SLC38A8: variants seen among roughly 807,000 people sequenced by gnomAD.
The protein encoded by SLC38A8 is amino acid transporter SLC38A8.
In SLC38A8, 65 loss-of-function variants were observed where a neutral mutation model predicts 46.0. The observed-to-expected ratio is 1.41, with a 90% CI of 1.16 to 1.74. SLC38A8 has a LOEUF of 1.74. Among genes scored for constraint, SLC38A8 ranks in the 40% most tolerant of loss-of-function variants. SLC38A8 has a pLI of 0.00. For missense variants in SLC38A8, 998 were observed against 567.9 expected (o/e 1.76, Z -7.70); for synonymous variants, 447 against 243.7 (o/e 1.83, Z -7.77).
intron 6 of SLC38A8, among the ~76,000 whole-genome samples, chr16:84,026,575 A>G (rs765256842): frequency 3.3e-5 from 5 of 152,184 alleles, no homozygotes; most frequent in Non-Finnish European, 5.9e-5. Flanking sequence ...GAGGGCAGGC[A>G]GTACCCAGGA....
intron 6 of SLC38A8, among the ~76,000 whole-genome samples, chr16:84,024,112 C>T (rs924130549): frequency 1.3e-5 from 2 of 152,162 alleles, no homozygotes; most frequent in African/African-American, 4.8e-5. Flanking sequence ...CCCCCTCCCC[C>T]AAGTTGTGAC....
intron 9 of SLC38A8, among the ~76,000 whole-genome samples, chr16:84,014,973 C>G (rs1217694640): frequency 1.3e-5 from 2 of 152,164 alleles, no homozygotes; most frequent in African/African-American, 4.8e-5. Context: ...TTTGGAAGAC[C>G]TGTAAGAGCC....
intron 7 of SLC38A8, among the ~76,000 whole-genome samples, chr16:84,022,106 G>T (rs536595640): frequency 1.1e-4 from 17 of 152,308 alleles, no homozygotes; most frequent in African/African-American, 3.8e-4. Context: ...ATTTCAACCT[G>T]AGTTTTTAAG....
chr16:84,025,720 C>A (rs1160981716), intron 6 of SLC38A8, among the ~76,000 whole-genome samples: 1 of 152,208 alleles, frequency 6.6e-6, no homozygotes, highest in East Asian at 1.9e-4. Context: ...GGAAACAAGC[C>A]CAGCACAGCT....
intron 6 of SLC38A8, among the ~76,000 whole-genome samples, chr16:84,026,923 G>A (rs1026810528): frequency 6.6e-6 from 1 of 152,190 alleles, no homozygotes; most frequent in East Asian, 1.9e-4. Flanking sequence ...TCTTCGAGGG[G>A]CAACAGAAAG....
intron 6 of SLC38A8, among the ~76,000 whole-genome samples, chr16:84,026,225 C>A (rs527471435): frequency 4.5e-4 from 63 of 141,274 alleles, no homozygotes; most frequent in Middle Eastern, 3.4e-3. Context: ...TGGGTTTCTA[C>A]TGGTGTTTTG....
intron 2 of SLC38A8, among the ~76,000 whole-genome samples, chr16:84,040,466 A>T (rs7197494): frequency 0.26 from 38,883 of 152,132 alleles, 5,485 homozygotes; most frequent in African/African-American, 0.38. Flanking sequence ...CATTTCAGCA[A>T]GATCTGTGTG....
chr16:84,036,745 G>T lies in SLC38A8; in HGVS notation c.345C>A (p.Ile115=), dbSNP rs751016030. Residue 115 remains isoleucine, a synonymous_variant, in exon 3 of 11, where the codon ATC becomes ATA. Coordinates refer to ENST00000299709, the MANE Select transcript of SLC38A8 (RefSeq NM_001080442.3). The part of the protein sequence containing the change: ...EACFLLNLLM[I]SVAFLRVIGD... ...CGATCACCCTGAGGAAGGCCACGGA[G>T]ATCATGAGCAGGTTGAGGAGGAAGC... 1.3e-5 allele frequency: 21 copies of T among 1,614,120 alleles called. No homozygotes were observed. The highest frequency in any genetic ancestry group is 2.2e-5 in the East Asian group (1 of 44,894).
chr16:84,031,778 C>T (rs897190725), intron 5 of SLC38A8, 89 bp downstream of exon 5: 47 of 1,133,036 alleles, frequency 4.1e-5, no homozygotes, highest in Admixed American at 3.9e-4. Context: ...CAGTGAGCCA[C>T]GAGAGGCTCC....
At chr16:84,014,061 T>G (rs1305688548) in intron 9 of SLC38A8, among the ~76,000 whole-genome samples, 1 of 145,446 alleles carries the variant, frequency 6.9e-6, no homozygotes, top group African/African-American at 2.6e-5. Flanking sequence ...CACACTCTCA[T>G]CTCTGAAAGG....
chr16:84,029,257 G>T (rs1016661470), intron 6 of SLC38A8, among the ~76,000 whole-genome samples: 1 of 152,178 alleles, frequency 6.6e-6, no homozygotes, highest in Non-Finnish European at 1.5e-5. Flanking sequence ...GCCATCAGTG[G>T]GGGCTGGATT....
At chr16:84,016,129 C>CA (rs569058885) in intron 9 of SLC38A8, among the ~76,000 whole-genome samples, 1 of 48,942 alleles carries the variant, frequency 2.0e-5, no homozygotes, top group Non-Finnish European at 4.7e-5. Flanking sequence ...TGCTGGGGGG[C>CA]GGGGGGGGAC....
At chr16:84,037,959 C>A (rs960587459) in intron 2 of SLC38A8, among the ~76,000 whole-genome samples, 1 of 152,096 alleles carries the variant, frequency 6.6e-6, no homozygotes, top group Non-Finnish European at 1.5e-5. Flanking sequence ...CAGGCACACA[C>A]CACCACACCC....
At chr16:84,020,478 G>T (rs573578931) in intron 7 of SLC38A8, among the ~76,000 whole-genome samples, 31 of 152,304 alleles carry the variant, frequency 2.0e-4, no homozygotes, top group Middle Eastern at 3.4e-3. Flanking sequence ...CTGGGTGGAG[G>T]CTGCCAAGCT....
chr16:84,027,500 CA>C (rs2151121626), intron 6 of SLC38A8, among the ~76,000 whole-genome samples: 1 of 152,340 alleles, frequency 6.6e-6, no homozygotes, highest in East Asian at 1.9e-4. Context: ...GCCCCATTGC[CA>C]AATGTGTTTG....
chr16:84,040,711 C>A (rs2085357575), intron 2 of SLC38A8, among the ~76,000 whole-genome samples: 1 of 152,190 alleles, frequency 6.6e-6, no homozygotes, highest in South Asian at 2.1e-4. Context: ...CAGTGGGGCT[C>A]AGCGCAAAGG....
intron 9 of SLC38A8, 29 bp downstream of exon 9, chr16:84,016,490 G>C: frequency 6.2e-7 from 1 of 1,607,918 alleles, no homozygotes; most frequent in Non-Finnish European, 8.5e-7. Context: ...GAACAAGTGG[G>C]CAGAAAGCCT....
chr16:84,029,842 G>A (rs2085217310), intron 5 of SLC38A8, among the ~76,000 whole-genome samples: 2 of 152,216 alleles, frequency 1.3e-5, no homozygotes, highest in Non-Finnish European at 2.9e-5. Context: ...CCCTCTTGAA[G>A]GCTGCTGGCT....
intron 10 of SLC38A8, among the ~76,000 whole-genome samples, chr16:84,011,891 A>G (rs1313779174): frequency 6.6e-6 from 1 of 152,188 alleles, no homozygotes; most frequent in East Asian, 1.9e-4. Flanking sequence ...CTCAAAAACT[A>G]AAATAAATAA....
Sources: allele counts gnomAD v4.1 joint callset (sites outside exome capture counted in the v4.1 genomes callset), GRCh38; gene constraint gnomAD v4.1.1; transcripts MANE v1.5; gene names NCBI Gene and HGNC (gene_info 2026-07-23, HGNC 2026-07-21).